TOB2: variants seen among roughly 807,000 people sequenced by gnomAD.
TOB2 encodes protein Tob2.
TOB2 carries 3 observed loss-of-function variants against 17.3 expected under a neutral mutation model. That is an observed-to-expected ratio of 0.17 (90% CI 0.08 to 0.45). The LOEUF (loss-of-function observed/expected upper bound fraction) is 0.45. TOB2 is among the 20% of genes least tolerant of loss of function. The probability of loss-of-function intolerance (pLI) is 0.99; values close to 1 mark genes in which losing one functional copy is unlikely to be tolerated. For synonymous variants in TOB2, 163 were observed against 185.6 expected (o/e 0.88, Z 0.99); for missense variants, 407 against 445.7 (o/e 0.91, Z 0.78).
Position 41,436,062 on chromosome 22 carries a change from AAGAAAT to A in TOB2, c.*243_*248del, listed in dbSNP as rs2051797583. The A allele has an allele frequency of 2.4e-6, 1 of 408,560 alleles. No individual in the cohort carries two copies. Among genetic ancestry groups the A allele is most frequent in the African/African-American group, 2.0e-5 (1 of 49,020 alleles). The allele number at this position is 408,560 out of a possible 1,614,324, so 25.3% of individuals were successfully genotyped here. A position where few individuals can be genotyped will look rare whatever the true frequency, so the allele number is the denominator to read the frequency against. ...ACATGTAAGAAAAAAAAAAAAGAAA[AAGAAAT>A]ATAAAACCCAAACCAACCAAATAAA... On this transcript the variant is annotated 3_prime_UTR_variant, in exon 2 of 2. Coordinates refer to ENST00000327492, the MANE Select transcript of TOB2 (RefSeq NM_016272.4). This position sits in a 1 kb window ranked among gnomAD's most constrained non-coding sequence, Gnocchi z 4.8.
rs1266282536 is a variant in TOB2 at position 41,437,016 on chromosome 22, T to C, written c.330A>G (p.Lys110=). 6.2e-7 allele frequency: 1 copy of C among 1,614,110 alleles called. No individual in the cohort carries two copies. Among genetic ancestry groups the C allele is most frequent in the East Asian group, 2.2e-5 (1 of 44,868 alleles). The change falls in exon 2 of 2, where the codon AAA becomes AAG. Residue 110 remains lysine, a synonymous_variant. Transcript: ENST00000327492. The stretch of plus-strand genomic sequence containing the variant: ...CCTCACTGTCATCCAGGTACAGCAC[T>C]TTCACAGCTCCCTTCTCACCAATCT... ...SYQIGEKGAV[K]VLYLDDSEGC...
chr22:41,441,842 C>T (rs1392751080), intron 1 of TOB2, among the ~76,000 whole-genome samples: 2 of 150,760 alleles, frequency 1.3e-5, no homozygotes, highest in African/African-American at 2.4e-5. Context: ...ACCCAGGAGG[C>T]GGAGGTTGCA....
intron 1 of TOB2, among the ~76,000 whole-genome samples, chr22:41,437,948 CAAAAAAAAAAAAAAAA>C (rs35151486): frequency 4.5e-5 from 2 of 44,478 alleles, no homozygotes; most frequent in East Asian, 7.4e-4. Context: ...GACTCCATCT[CAAAAAAAAAAAAAAAA>C]AAAAAAAAAA....
chr22:41,445,981 G>T (rs952144722), intron 1 of TOB2, among the ~76,000 whole-genome samples: 1 of 151,830 alleles, frequency 6.6e-6, no homozygotes, highest in East Asian at 1.9e-4. Context: ...GAAAAACAAG[G>T]CCTGGATCCC....
In TOB2 at chr22:41,436,175, C is replaced by T. The variant is rs140706006; in HGVS notation, c.*136G>A. The T allele has an allele frequency of 9.7e-6, 12 of 1,234,750 alleles. No individual in the cohort carries two copies. Among genetic ancestry groups the T allele is most frequent in the African/African-American group, 6.1e-5 (4 of 66,062 alleles). 76.5% of individuals were successfully genotyped at this position (1,234,750 alleles called of 1,614,324 possible). A position where few individuals can be genotyped will look rare whatever the true frequency, so the allele number is the denominator to read the frequency against. On this transcript the variant is annotated 3_prime_UTR_variant, in exon 2 of 2. Transcript: ENST00000327492. The surrounding 1 kb of genome is among the most constrained non-coding windows in gnomAD (Gnocchi z 4.8). ...AGGGCCCTCCCATTCCGTGCCTGGG[C>T]TGGATCTTTTTTCTAGAAGTAAGAG...
Position 41,436,045 on chromosome 22 carries a change from G to GAAA in TOB2, c.*263_*265dup. ...ATGTTATATAGAAAACTACATGTAA[G>GAAA]AAAAAAAAAAAAGAAAAAGAAATAT... is the stretch of plus-strand genomic sequence containing the variant. On this transcript the variant is annotated 3_prime_UTR_variant, in exon 2 of 2. Transcript: ENST00000327492. This position sits in a 1 kb window ranked among gnomAD's most constrained non-coding sequence, Gnocchi z 4.8. The GAAA allele has an allele frequency of 1.3e-5, 4 of 307,066 alleles. No individual in the cohort carries two copies. Among genetic ancestry groups the GAAA allele is most frequent in the South Asian group, 9.0e-5 (1 of 11,052 alleles). The allele number at this position is 307,066 out of a possible 1,614,324, so 19.0% of individuals were successfully genotyped here.
chr22:41,434,958 TCAA>T lies in TOB2; in HGVS notation c.*1350_*1352del. On this transcript the variant is annotated 3_prime_UTR_variant, in exon 2 of 2. Transcript: ENST00000327492. ...GGTGGCAAGAGGTACCAAGAAGCTC[TCAA>T]CCAGGCAGGGGCACAAATGCACTCA... The T allele has an allele frequency of 6.5e-6, 1 of 153,332 alleles. No individual in the cohort carries two copies. Among genetic ancestry groups the T allele is most frequent in the Admixed American group, 6.5e-5 (1 of 15,308 alleles). The allele number at this position is 153,332 out of a possible 1,614,324, so 9.5% of individuals were successfully genotyped here.
At chr22:41,437,948 C>CAAAAAA (rs35151486) in intron 1 of TOB2, among the ~76,000 whole-genome samples, 5 of 44,494 alleles carry the variant, frequency 1.1e-4, no homozygotes, top group Non-Finnish European at 1.4e-4. Context: ...GACTCCATCT[C>CAAAAAA]AAAAAAAAAA....
Position 41,435,894 on chromosome 22 carries a change from A to G in TOB2, c.*417T>C, listed in dbSNP as rs2037540338. The stretch of plus-strand genomic sequence containing the variant: ...CCAGGGAGGGTCAGGCTCCAGCTGC[A>G]GCTCTTTCTTCCCTATGAGCTTGGA... On this transcript the variant is annotated 3_prime_UTR_variant, in exon 2 of 2. Coordinates refer to ENST00000327492, the MANE Select transcript of TOB2 (RefSeq NM_016272.4). 6.5e-6 allele frequency: 1 copy of G among 154,570 alleles called. No individual in the cohort carries two copies. Among genetic ancestry groups the G allele is most frequent in the Admixed American group, 6.5e-5 (1 of 15,426 alleles). The allele number at this position is 154,570 out of a possible 1,614,324, so 9.6% of individuals were successfully genotyped here.
chr22:41,444,445 C>T (rs1291792228), intron 1 of TOB2, among the ~76,000 whole-genome samples: 1 of 152,252 alleles, frequency 6.6e-6, no homozygotes, highest in Non-Finnish European at 1.5e-5. Context: ...GAGAGGCGGG[C>T]GGTGAGGGCC....
chr22:41,438,255 G>A (rs978408889), intron 1 of TOB2, among the ~76,000 whole-genome samples: 1 of 152,162 alleles, frequency 6.6e-6, no homozygotes, highest in Non-Finnish European at 1.5e-5. Context: ...TGGGGGCCTG[G>A]ACTCCAGTCA....
chr22:41,444,920 C>G (rs2037665351), intron 1 of TOB2, among the ~76,000 whole-genome samples: 1 of 152,192 alleles, frequency 6.6e-6, no homozygotes, highest in Non-Finnish European at 1.5e-5. Context: ...CCTGGGCGGT[C>G]CGTGTGGGGT....
At chr22:41,444,121 G>T (rs1209486864) in intron 1 of TOB2, among the ~76,000 whole-genome samples, 1 of 152,214 alleles carries the variant, frequency 6.6e-6, no homozygotes, top group Non-Finnish European at 1.5e-5. Flanking sequence ...CCGGGTGGAT[G>T]CGAGTGCCCT....
intron 1 of TOB2, among the ~76,000 whole-genome samples, chr22:41,444,746 C>T (rs2037663527): frequency 6.6e-6 from 1 of 152,256 alleles, no homozygotes; most frequent in Non-Finnish European, 1.5e-5. Flanking sequence ...CCACCACATC[C>T]TCTAGGCTTT....
In TOB2 at chr22:41,435,319, G is replaced by C. The variant is rs2037533445; in HGVS notation, c.*992C>G. 6.6e-6 allele frequency: 1 copy of C among 152,234 alleles called. No individual in the cohort carries two copies. Among genetic ancestry groups the C allele is most frequent in the Admixed American group, 6.5e-5 (1 of 15,274 alleles). The allele number at this position is 152,234 out of a possible 1,614,324, so 9.4% of individuals were successfully genotyped here. On this transcript the variant is annotated 3_prime_UTR_variant, in exon 2 of 2. Coordinates refer to ENST00000327492, the MANE Select transcript of TOB2 (RefSeq NM_016272.4). ...GAGTGTCTTGGGCTAAGCCACAGCG[G>C]TGTCACCCCACCACACACACTGCCC...
Position 41,436,161 on chromosome 22 carries a change from A to G in TOB2, c.*150T>C. On this transcript the variant is annotated 3_prime_UTR_variant, in exon 2 of 2. Transcript: ENST00000327492. The surrounding 1 kb of genome is among the most constrained non-coding windows in gnomAD (Gnocchi z 4.8). ...CTTGGGTGCTTTGCAGGGCCCTCCC[A>G]TTCCGTGCCTGGGCTGGATCTTTTT... 9.0e-7 allele frequency: 1 copy of G among 1,113,802 alleles called. No homozygotes were observed. Among genetic ancestry groups the G allele is most frequent in the South Asian group, 2.0e-5 (1 of 49,784 alleles). 69.0% of individuals were successfully genotyped at this position (1,113,802 alleles called of 1,614,324 possible).
chr22:41,444,803 T>TG (rs1293205488), intron 1 of TOB2, among the ~76,000 whole-genome samples: 1 of 152,224 alleles, frequency 6.6e-6, no homozygotes, highest in Non-Finnish European at 1.5e-5. Flanking sequence ...CTCCCATTAC[T>TG]GATGAAACTA....
intron 1 of TOB2, among the ~76,000 whole-genome samples, chr22:41,442,196 A>C (rs2037628396): frequency 6.6e-6 from 1 of 152,176 alleles, no homozygotes. Context: ...TATTTTTGAA[A>C]TCTAAAACAG....
rs1168787770 is a variant in TOB2 at position 41,436,380 on chromosome 22, G to T, written c.966C>A (p.Gly322=). The T allele has an allele frequency of 7.4e-6, 12 of 1,613,400 alleles. No homozygotes were observed. The East Asian group carries it at 2.7e-4, about 36-fold the overall frequency. ...LFLEKTPFVE[G]LSYNLNTMQY... ...GCATGGTGTTCAGGTTGTAGCTGAG[G>T]CCTTCCACAAAGGGTGTCTTCTCCA... is the stretch of plus-strand genomic sequence containing the variant. Residue 322 remains glycine, a synonymous_variant, in exon 2 of 2, where the codon GGC becomes GGA. Transcript: ENST00000327492. This position sits in a 1 kb window ranked among gnomAD's most constrained non-coding sequence, Gnocchi z 4.8.
Sources: allele counts gnomAD v4.1 joint callset (sites outside exome capture counted in the v4.1 genomes callset), GRCh38; gene constraint gnomAD v4.1.1; non-coding constraint Gnocchi (gnomAD v3.1); transcripts MANE v1.5; gene names NCBI Gene and HGNC (gene_info 2026-07-23, HGNC 2026-07-21).